The following MAPK9 variants were observed in gnomAD, a reference collection of about 807,000 sequenced individuals.
The protein encoded by MAPK9 is Jun kinase.
In MAPK9, 30 loss-of-function variants were observed where a neutral mutation model predicts 57.1. The observed-to-expected ratio is 0.53, with a 90% CI of 0.39 to 0.71. The LOEUF (loss-of-function observed/expected upper bound fraction) is 0.71, where lower values mean the gene tolerates loss of function less well. MAPK9 is among the 30% of genes least tolerant of loss of function. The pLI, the probability that MAPK9 is intolerant of heterozygous loss-of-function variation, is 0.00. For missense variants in MAPK9, 362 were observed against 521.0 expected (o/e 0.69, Z 2.97); for synonymous variants, 155 against 177.0 (o/e 0.88, Z 0.99).
chr5:180,249,244 C>G, intron 5 of MAPK9, 106 bp from the exon 6 acceptor site: 1 of 1,012,960 alleles, frequency 9.9e-7, no homozygotes, highest in East Asian at 2.9e-5. Context: ...AGGGAGTGAA[C>G]TGAACTCTGA....
At chr5:180,286,762 C>T (rs1378492066) in intron 1 of MAPK9, among the ~76,000 whole-genome samples, 1 of 152,216 alleles carries the variant, frequency 6.6e-6, no homozygotes, top group Non-Finnish European at 1.5e-5. Context: ...CTCCCAGCCA[C>T]CATTTCTGTG....
At chr5:180,279,705 G>GA (rs66800744) in intron 2 of MAPK9, 644 of 357,028 alleles carry the variant, frequency 1.8e-3, no homozygotes, top group Middle Eastern at 4.8e-3. Flanking sequence ...AAAAGAAAAA[G>GA]AAAAAAAAAA....
chr5:180,291,029 G>A (rs1258167803), intron 1 of MAPK9, among the ~76,000 whole-genome samples: 1 of 152,174 alleles, frequency 6.6e-6, no homozygotes, highest in Non-Finnish European at 1.5e-5. Context: ...TGGTCGAGGA[G>A]GGCCTCACCC....
intron 2 of MAPK9, among the ~76,000 whole-genome samples, chr5:180,269,705 T>TG (rs1761073637): frequency 6.6e-6 from 1 of 152,100 alleles, no homozygotes; most frequent in African/African-American, 2.4e-5. Context: ...TAATATAGAG[T>TG]GCATAAAACC....
intron 9 of MAPK9, among the ~76,000 whole-genome samples, chr5:180,240,207 C>A (rs951711499): frequency 6.6e-6 from 1 of 152,216 alleles, no homozygotes; most frequent in Non-Finnish European, 1.5e-5. Context: ...TTATGTTCCT[C>A]TTAATAATCA....
At chr5:180,269,522 G>C (rs1308872396) in intron 2 of MAPK9, 113 bp from the exon 3 acceptor site, 1 of 1,036,850 alleles carries the variant, frequency 9.6e-7, no homozygotes, top group African/African-American at 1.6e-5. Flanking sequence ...GGAAAAATCT[G>C]CTTATTTCAT....
chr5:180,235,256 G>C lies in MAPK9; in HGVS notation c.*1128C>G, dbSNP rs1581150082. The C allele has an allele frequency of 6.6e-6, 1 of 152,164 alleles. No individual in the cohort carries two copies. The highest frequency in any genetic ancestry group is 6.5e-5 in the Admixed American group (1 of 15,276). 9.4% of individuals were successfully genotyped at this position (152,164 alleles called of 1,614,324 possible). A position where few individuals can be genotyped will look rare whatever the true frequency, so the allele number is the denominator to read the frequency against. On this transcript the variant is annotated 3_prime_UTR_variant, in exon 12 of 12. Transcript: ENST00000452135. ...CTCCCAACAATGGAGAGCAACAATA[G>C]CAACAGGCATCTGAATCAGCCTGGC...
intron 3 of MAPK9, among the ~76,000 whole-genome samples, chr5:180,267,944 G>C (rs1760820761): frequency 6.6e-6 from 1 of 152,070 alleles, no homozygotes; most frequent in Admixed American, 6.6e-5. Context: ...CTCACTGCAA[G>C]CTCTGCCTCC....
Position 180,242,560 on chromosome 5 carries a change from A to G in MAPK9, c.871+13T>C, listed in dbSNP as rs1204152698. The G allele has an allele frequency of 6.3e-7, 1 of 1,598,768 alleles. No homozygotes were observed. Among genetic ancestry groups the G allele is most frequent in the Non-Finnish European group, 8.5e-7 (1 of 1,170,278 alleles). On this transcript the variant is annotated intron_variant, in intron 8 of 11. Transcript: ENST00000452135. ...TTACAAAACACAAGTATAAGAAAAA[A>G]AGGATATCTTACTTTTTATTTTGTC...
intron 2 of MAPK9, among the ~76,000 whole-genome samples, chr5:180,275,459 TA>T (rs769909105): frequency 6.6e-6 from 1 of 152,176 alleles, no homozygotes; most frequent in African/African-American, 2.4e-5. Flanking sequence ...CACACAATAT[TA>T]GAGGGCCCTG....
At chr5:180,260,543 G>C (rs957079657) in intron 5 of MAPK9, among the ~76,000 whole-genome samples, 1 of 152,110 alleles carries the variant, frequency 6.6e-6, no homozygotes, top group Non-Finnish European at 1.5e-5. Flanking sequence ...CTGGACTGTT[G>C]ATTTCCACCT....
chr5:180,266,129 A>G (rs1242607284), intron 3 of MAPK9, among the ~76,000 whole-genome samples: 1 of 152,046 alleles, frequency 6.6e-6, no homozygotes, highest in African/African-American at 2.4e-5. Context: ...TGCAGAAGAG[A>G]CCAGCAGTCC....
At chr5:180,261,300 T>C (rs1430467808) in intron 5 of MAPK9, among the ~76,000 whole-genome samples, 1 of 152,238 alleles carries the variant, frequency 6.6e-6, no homozygotes, top group African/African-American at 2.4e-5. Flanking sequence ...CCTTGCTCAT[T>C]AAAAATGGGA....
At chr5:180,290,943 T>C (rs77251925) in intron 1 of MAPK9, among the ~76,000 whole-genome samples, 3 of 152,140 alleles carry the variant, frequency 2.0e-5, no homozygotes, top group African/African-American at 7.2e-5. Flanking sequence ...ATAAATAGAA[T>C]AGTTTCAAAC....
chr5:180,271,809 A>G (rs1761353030), intron 2 of MAPK9, among the ~76,000 whole-genome samples: 1 of 152,232 alleles, frequency 6.6e-6, no homozygotes, highest in African/African-American at 2.4e-5. Context: ...GGATTCTCTT[A>G]TATTTCATCA....
intron 4 of MAPK9, among the ~76,000 whole-genome samples, chr5:180,263,806 CA>C (rs762746906): frequency 6.6e-6 from 1 of 150,802 alleles, no homozygotes; most frequent in Non-Finnish European, 1.5e-5. Context: ...CCCGGGTTCA[CA>C]CCATTCTCCT....
chr5:180,243,928 A>C (rs1384369683), intron 7 of MAPK9, among the ~76,000 whole-genome samples: 1 of 151,914 alleles, frequency 6.6e-6, no homozygotes, highest in African/African-American at 2.4e-5. Context: ...GCTGACTGCA[A>C]CCTCCACCTC....
In MAPK9 at chr5:180,292,039, T is replaced by A. The variant is rs2127641057; in HGVS notation, c.-239A>T. Reference sequence around the variant, plus strand: ...CGCCGGGGCGCTGCGACCCTTCCGGTCCCGCTCCCTTCTCCGCCGCTGCCG... The same window carrying A: ...CGCCGGGGCGCTGCGACCCTTCCGGACCCGCTCCCTTCTCCGCCGCTGCCG... On this transcript the variant is annotated 5_prime_UTR_variant, in exon 1 of 12. Coordinates refer to ENST00000452135, the MANE Select transcript of MAPK9 (RefSeq NM_002752.5). 1 of 155,134 alleles carries A rather than the reference T, an allele frequency of 6.4e-6. No homozygotes were observed. Among genetic ancestry groups the A allele is most frequent in the Admixed American group, 6.6e-5 (1 of 15,120 alleles). 9.6% of individuals were successfully genotyped at this position (155,134 alleles called of 1,614,324 possible). A position where few individuals can be genotyped will look rare whatever the true frequency, so the allele number is the denominator to read the frequency against.
chr5:180,262,065 C>T (rs534741846), intron 4 of MAPK9, among the ~76,000 whole-genome samples: 1 of 151,574 alleles, frequency 6.6e-6, no homozygotes, highest in South Asian at 2.1e-4. Context: ...GAATCTCAAA[C>T]ACAAATTTTC....
Sources: allele counts gnomAD v4.1 joint callset (sites outside exome capture counted in the v4.1 genomes callset), GRCh38; gene constraint gnomAD v4.1.1; transcripts MANE v1.5; gene names NCBI Gene and HGNC (gene_info 2026-07-23, HGNC 2026-07-21).